The following EPB41L5 variants were observed in gnomAD, a reference collection of about 807,000 sequenced individuals.
EPB41L5 encodes the protein band 4.1-like protein 5.
Under a neutral mutation model 106.6 loss-of-function variants are expected in EPB41L5, and 55 were observed. The ratio of observed to expected loss-of-function variants is 0.52; its 90% CI spans 0.42 to 0.65. The LOEUF is 0.65. Among genes scored for constraint, EPB41L5 ranks in the 30% least tolerant of loss-of-function variants. EPB41L5 has a pLI of 0.00. For missense variants in EPB41L5, 871 were observed against 882.1 expected (o/e 0.99, Z 0.16); for synonymous variants, 297 against 306.7 (o/e 0.97, Z 0.33).
chr2:120,126,389 A>G (rs1685461264), intron 16 of EPB41L5, among the ~76,000 whole-genome samples: 1 of 152,156 alleles, frequency 6.6e-6, no homozygotes, highest in East Asian at 1.9e-4. Context: ...AAAGTCACAA[A>G]GATTTTTTTC....
In EPB41L5 at chr2:120,176,483, TG is replaced by T; in HGVS notation, c.*1577del. 1.3e-5 allele frequency: 2 copies of T among 152,236 alleles called. No individual in the cohort carries two copies. Among genetic ancestry groups the T allele is most frequent in the Non-Finnish European group, 2.9e-5 (2 of 68,042 alleles). The allele number at this position is 152,236 out of a possible 1,614,324, so 9.4% of individuals were successfully genotyped here. Reference sequence around the variant, plus strand: ...CTGGAAAGCTCAGGAATTTTAATCTTGCACTGTTTCCCAGGGAGCTGTAGTG... The same window carrying T: ...CTGGAAAGCTCAGGAATTTTAATCTTCACTGTTTCCCAGGGAGCTGTAGTG... On this transcript the variant is annotated 3_prime_UTR_variant, in exon 25 of 25. Coordinates refer to ENST00000263713, the MANE Select transcript of EPB41L5 (RefSeq NM_020909.4).
chr2:120,063,604 T>C (rs1344682134), intron 3 of EPB41L5, among the ~76,000 whole-genome samples: 27 of 152,034 alleles, frequency 1.8e-4, no homozygotes, highest in Admixed American at 1.8e-3. Flanking sequence ...GCGATTTACC[T>C]GTATAACAAA....
chr2:120,076,470 C>CTTTTT lies in EPB41L5; in HGVS notation c.506-479_506-475dup, dbSNP rs35333671. On this transcript the variant is annotated intron_variant, in intron 7 of 24. Transcript: ENST00000263713. ...CCATTAGGCCTGGCTAATTTTTGTA[C>CTTTTT]TTTTTTTTTTTTTTTTTTTTTTTTT... 2.4e-3 allele frequency among the ~76,000 whole-genome samples: 141 copies of CTTTTT among 58,876 alleles called. 11 individuals carry two copies. The highest frequency in any genetic ancestry group is 0.02 in the Middle Eastern group (1 of 50). The allele number at this position is 58,876 out of a possible 152,430, so 38.6% of individuals were successfully genotyped here. A position where few individuals can be genotyped will look rare whatever the true frequency, so the allele number is the denominator to read the frequency against.
chr2:120,075,802 G>A (rs1012266603), intron 7 of EPB41L5, 49 bp downstream of exon 7: 1 of 1,431,342 alleles, frequency 7.0e-7, no homozygotes, highest in East Asian at 2.3e-5. Context: ...AATCTTTTTT[G>A]TGTGTGTTTT....
chr2:120,133,886 G>T (rs1329326590), intron 18 of EPB41L5, among the ~76,000 whole-genome samples: 2 of 151,974 alleles, frequency 1.3e-5, no homozygotes, highest in Non-Finnish European at 2.9e-5. Flanking sequence ...GAGTAAAGAA[G>T]ACTTTGTCTT....
chr2:120,052,791 G>C (rs948818008), intron 3 of EPB41L5, among the ~76,000 whole-genome samples: 5 of 152,136 alleles, frequency 3.3e-5, no homozygotes, highest in East Asian at 1.9e-4. Context: ...CAGATTTAGG[G>C]AATATGTGTT....
intron 3 of EPB41L5, among the ~76,000 whole-genome samples, chr2:120,045,344 T>C (rs1679695677): frequency 6.6e-6 from 1 of 152,202 alleles, no homozygotes. Flanking sequence ...TTTACGTTCA[T>C]GTACACATAT....
chr2:120,050,121 T>A (rs1240451030), intron 3 of EPB41L5, among the ~76,000 whole-genome samples: 1 of 152,190 alleles, frequency 6.6e-6, no homozygotes, highest in Non-Finnish European at 1.5e-5. Context: ...TCAACTTTGG[T>A]GAATCTGACA....
At chr2:120,083,657 C>G (rs1017731831) in intron 10 of EPB41L5, among the ~76,000 whole-genome samples, 1 of 152,066 alleles carries the variant, frequency 6.6e-6, no homozygotes, top group African/African-American at 2.4e-5. Context: ...CCTGGATATC[C>G]TTGTTAACTT....
At chr2:120,063,983 G>A (rs1681271578) in intron 3 of EPB41L5, among the ~76,000 whole-genome samples, 1 of 151,954 alleles carries the variant, frequency 6.6e-6, no homozygotes, top group East Asian at 1.9e-4. Flanking sequence ...CTTAGAGCAT[G>A]CTAATAATAT....
intron 3 of EPB41L5, among the ~76,000 whole-genome samples, chr2:120,050,457 T>G (rs912034817): frequency 6.6e-6 from 1 of 152,254 alleles, no homozygotes; most frequent in Non-Finnish European, 1.5e-5. Context: ...AATCAGCTAC[T>G]GAAGCTTGTG....
chr2:120,069,460 A>T (rs991038563), intron 3 of EPB41L5, among the ~76,000 whole-genome samples: 2 of 152,154 alleles, frequency 1.3e-5, no homozygotes, highest in Non-Finnish European at 1.5e-5. Flanking sequence ...TCAGCTCTGG[A>T]CCAAGCAGAC....
chr2:120,120,873 T>C (rs1268153877), intron 16 of EPB41L5, among the ~76,000 whole-genome samples: 1 of 152,194 alleles, frequency 6.6e-6, no homozygotes, highest in Non-Finnish European at 1.5e-5. Context: ...CCCAGCACCC[T>C]GGGAGGCCGA....
At chr2:120,049,012 C>T (rs539679454) in intron 3 of EPB41L5, among the ~76,000 whole-genome samples, 2 of 152,294 alleles carry the variant, frequency 1.3e-5, no homozygotes, top group South Asian at 4.1e-4. Context: ...TTTGATTGCA[C>T]TGTGGTCTGA....
chr2:120,025,540 C>T (rs1429520513), intron 2 of EPB41L5, among the ~76,000 whole-genome samples: 1 of 152,070 alleles, frequency 6.6e-6, no homozygotes, highest in African/African-American at 2.4e-5. Flanking sequence ...GGGCATTTAG[C>T]CCATTTACAT....
intron 17 of EPB41L5, among the ~76,000 whole-genome samples, chr2:120,129,136 A>G (rs2105465938): frequency 6.6e-6 from 1 of 152,272 alleles, no homozygotes; most frequent in East Asian, 1.9e-4. Flanking sequence ...ACCACGTAAT[A>G]TACCCTTATA....
At chr2:120,051,497 G>T (rs561943102) in intron 3 of EPB41L5, among the ~76,000 whole-genome samples, 7 of 152,184 alleles carry the variant, frequency 4.6e-5, no homozygotes, top group African/African-American at 1.7e-4. Context: ...TGCTAAGACC[G>T]TTGGAAAAGC....
intron 22 of EPB41L5, among the ~76,000 whole-genome samples, chr2:120,165,548 C>G (rs930373241): frequency 1.3e-5 from 2 of 152,176 alleles, no homozygotes; most frequent in Non-Finnish European, 2.9e-5. Flanking sequence ...TCAGTACAGA[C>G]ACAACCATCC....
Position 120,090,364 on chromosome 2 carries a change from T to C in EPB41L5, c.891T>C (p.His297=), listed in dbSNP as rs940782150. Reference sequence around the variant, plus strand: ...TTTTTCAGGGCAAAGAACAGGAACATACATTTGTCTTTAGACTGGATCATC... The same window carrying C: ...TTTTTCAGGGCAAAGAACAGGAACACACATTTGTCTTTAGACTGGATCATC... ...EDDDQGKEQE[H]TFVFRLDHPK... Residue 297 remains histidine (H), a synonymous_variant, in exon 12 of 25, where the codon CAT becomes CAC. Coordinates refer to ENST00000263713, the MANE Select transcript of EPB41L5 (RefSeq NM_020909.4). 6.2e-7 allele frequency: 1 copy of C among 1,608,070 alleles called. No individual in the cohort carries two copies. The highest frequency in any genetic ancestry group is 1.1e-5 in the South Asian group (1 of 89,634).
Sources: allele counts gnomAD v4.1 joint callset (sites outside exome capture counted in the v4.1 genomes callset), GRCh38; gene constraint gnomAD v4.1.1; transcripts MANE v1.5; gene names NCBI Gene and HGNC (gene_info 2026-07-23, HGNC 2026-07-21).